The following WWOX variants were observed in gnomAD, a reference collection of about 807,000 sequenced individuals.
WWOX encodes the protein WW domain containing oxidoreductase.
WWOX carries 69 observed loss-of-function variants against 46.2 expected under a neutral mutation model. That is an observed-to-expected ratio of 1.49 (90% CI 1.23 to 1.82). The LOEUF (loss-of-function observed/expected upper bound fraction) is 1.82, where lower values mean the gene tolerates loss of function less well. WWOX is among the 40% of genes most tolerant of loss of function. WWOX has a pLI of 0.00. For synonymous variants in WWOX, 359 were observed against 202.6 expected (o/e 1.77, Z -6.56); for missense variants, 919 against 542.6 (o/e 1.69, Z -6.89).
At chr16:79,097,370 C>T (rs1303151606) in intron 8 of WWOX, among the ~76,000 whole-genome samples, 1 of 149,816 alleles carries the variant, frequency 6.7e-6, no homozygotes, top group Non-Finnish European at 1.5e-5. Flanking sequence ...TTTTTTGGCC[C>T]ACATCACTGC....
intron 8 of WWOX, among the ~76,000 whole-genome samples, chr16:78,854,363 T>G (rs1322172373): frequency 2.6e-5 from 4 of 152,230 alleles, no homozygotes; most frequent in African/African-American, 9.6e-5. Flanking sequence ...TTTAAGTCTT[T>G]TAGCACCAAA....
intron 5 of WWOX, among the ~76,000 whole-genome samples, chr16:78,256,474 T>G (rs1597408429): frequency 6.6e-6 from 1 of 151,992 alleles, no homozygotes; most frequent in East Asian, 2.0e-4. Flanking sequence ...GGTAGCTCAG[T>G]CCAGGAGAGA....
chr16:79,197,945 A>G (rs1420464490), intron 8 of WWOX, among the ~76,000 whole-genome samples: 3 of 152,168 alleles, frequency 2.0e-5, no homozygotes, highest in Non-Finnish European at 4.4e-5. Context: ...GGAGAACTGA[A>G]ATCTGGGGCA....
At chr16:78,818,183 CTG>C (rs996268991) in intron 8 of WWOX, among the ~76,000 whole-genome samples, 52 of 152,306 alleles carry the variant, frequency 3.4e-4, no homozygotes, top group African/African-American at 1.1e-3. Flanking sequence ...AAGGTAGTCT[CTG>C]TGTTCAGGTA....
chr16:78,374,527 ATTTTTTTTTTTTTTTTTTTTTTTT>A (rs541225697), intron 5 of WWOX, among the ~76,000 whole-genome samples: 7 of 70,902 alleles, frequency 9.9e-5, no homozygotes, highest in East Asian at 4.0e-4. Flanking sequence ...TCTGTCTTGA[ATTTTTTTTTTTTTTTTTTTTTTTT>A]TTTTTTTTTT....
At chr16:78,460,901 A>G (rs1307516161) in intron 8 of WWOX, among the ~76,000 whole-genome samples, 3 of 152,238 alleles carry the variant, frequency 2.0e-5, no homozygotes, top group Non-Finnish European at 4.4e-5. Flanking sequence ...TCTCTGGAGA[A>G]TAATTCTGAA....
At chr16:78,298,017 T>C (rs1287371927) in intron 5 of WWOX, among the ~76,000 whole-genome samples, 2 of 152,150 alleles carry the variant, frequency 1.3e-5, no homozygotes, top group African/African-American at 4.8e-5. Flanking sequence ...TGAGATCTGA[T>C]GGTTTTGTGC....
At chr16:78,730,637 T>C (rs1242734035) in intron 8 of WWOX, among the ~76,000 whole-genome samples, 1 of 149,580 alleles carries the variant, frequency 6.7e-6, no homozygotes, top group East Asian at 2.0e-4. Flanking sequence ...TTTTTTTTTT[T>C]TAAGTAGAGA....
chr16:78,683,093 G>A (rs2047767860), intron 8 of WWOX, among the ~76,000 whole-genome samples: 1 of 152,156 alleles, frequency 6.6e-6, no homozygotes, highest in African/African-American at 2.4e-5. Flanking sequence ...CAGATGACTT[G>A]TTTTGTTCTA....
At chr16:78,162,158 G>A (rs1043869343) in intron 4 of WWOX, among the ~76,000 whole-genome samples, 2 of 152,066 alleles carry the variant, frequency 1.3e-5, no homozygotes, top group Non-Finnish European at 2.9e-5. Flanking sequence ...CAAACAAAAA[G>A]CAGCTTTCGT....
At chr16:78,155,795 G>C (rs1597280467) in intron 4 of WWOX, among the ~76,000 whole-genome samples, 2 of 152,160 alleles carry the variant, frequency 1.3e-5, no homozygotes, top group Admixed American at 6.6e-5. Context: ...ACTACATTTA[G>C]CTAATTAAAC....
chr16:78,940,079 A>G (rs1333316839), intron 8 of WWOX, among the ~76,000 whole-genome samples: 1 of 152,204 alleles, frequency 6.6e-6, no homozygotes, highest in African/African-American at 2.4e-5. Context: ...ACAAAAATGC[A>G]TTTGAGGTGG....
At chr16:78,781,977 G>A (rs1460971341) in intron 8 of WWOX, among the ~76,000 whole-genome samples, 1 of 152,116 alleles carries the variant, frequency 6.6e-6, no homozygotes, top group Non-Finnish European at 1.5e-5. Flanking sequence ...TGAGGCAGAG[G>A]ATTCCAGCAC....
chr16:78,757,208 C>T (rs984406941), intron 8 of WWOX, among the ~76,000 whole-genome samples: 6 of 152,176 alleles, frequency 3.9e-5, no homozygotes, highest in African/African-American at 1.4e-4. Flanking sequence ...TTTCAGCCCA[C>T]TTAGTTTTGG....
At chr16:78,811,290 C>T (rs568287324) in intron 8 of WWOX, among the ~76,000 whole-genome samples, 5 of 152,298 alleles carry the variant, frequency 3.3e-5, no homozygotes, top group African/African-American at 1.2e-4. Flanking sequence ...TTCATTCTCT[C>T]TGTGATTCAT....
chr16:78,856,578 G>A (rs1297576464), intron 8 of WWOX, among the ~76,000 whole-genome samples: 1 of 152,160 alleles, frequency 6.6e-6, no homozygotes, highest in Non-Finnish European at 1.5e-5. Context: ...AGGAGGCAGA[G>A]ATTGCAGTGA....
chr16:78,292,977 C>G (rs755750933), intron 5 of WWOX, among the ~76,000 whole-genome samples: 11 of 152,208 alleles, frequency 7.2e-5, no homozygotes, highest in African/African-American at 2.7e-4. Context: ...CCTTGTTGAA[C>G]AGACTCTGGA....
At chr16:78,262,518 G>C (rs2079267856) in intron 5 of WWOX, among the ~76,000 whole-genome samples, 1 of 152,206 alleles carries the variant, frequency 6.6e-6, no homozygotes. Context: ...AATGGGGGCA[G>C]ATGCAGCCAT....
chr16:78,966,290 T>C (rs1163868929), intron 8 of WWOX, among the ~76,000 whole-genome samples: 3 of 152,252 alleles, frequency 2.0e-5, no homozygotes, highest in East Asian at 3.8e-4. Flanking sequence ...AATCATTTCC[T>C]GATAGCTGTT....
Sources: allele counts gnomAD v4.1 joint callset (sites outside exome capture counted in the v4.1 genomes callset), GRCh38; gene constraint gnomAD v4.1.1; transcripts MANE v1.5; gene names NCBI Gene and HGNC (gene_info 2026-07-23, HGNC 2026-07-21).